The following STAG1 variants were observed in gnomAD, a reference collection of about 807,000 sequenced individuals.
STAG1 encodes cohesin subunit SA-1.
STAG1 carries 26 observed loss-of-function variants against 170.9 expected under a neutral mutation model. The ratio of observed to expected loss-of-function variants is 0.15; its 90% CI spans 0.11 to 0.21. The LOEUF is 0.21. STAG1 is among the 10% of genes least tolerant of loss of function. The probability of loss-of-function intolerance (pLI) is 1.00; values close to 1 mark genes in which losing one functional copy is unlikely to be tolerated. For missense variants in STAG1, 964 were observed against 1,509.5 expected, an observed-to-expected ratio of 0.64 and a Z score of 5.99; for synonymous variants, 514 against 497.7, an observed-to-expected ratio of 1.03 and a Z score of -0.44.
chr3:136,588,745 G>C, intron 4 of STAG1, among the ~76,000 whole-genome samples: 1 of 151,818 alleles, frequency 6.6e-6, no homozygotes, highest in East Asian at 1.9e-4. Context: ...CTGCTGCCCA[G>C]CCTATTTTCT....
At chr3:136,622,135 T>TAAAAAAAAAAAAAAAAA (rs75542452) in intron 3 of STAG1, among the ~76,000 whole-genome samples, 2 of 92,812 alleles carry the variant, frequency 2.2e-5, no homozygotes, top group Non-Finnish European at 4.0e-5. Context: ...CCATCTCTAC[T>TAAAAAAAAAAAAAAAAA]AAAAAAAAAA....
chr3:136,378,346 G>C (rs2108309044), intron 22 of STAG1, among the ~76,000 whole-genome samples: 1 of 152,322 alleles, frequency 6.6e-6, no homozygotes, highest in African/African-American at 2.4e-5. Flanking sequence ...TGGGTAAATA[G>C]ATTTAATTAG....
At chr3:136,649,379 T>C (rs971862754) in intron 1 of STAG1, among the ~76,000 whole-genome samples, 1 of 151,730 alleles carries the variant, frequency 6.6e-6, no homozygotes, top group African/African-American at 2.4e-5. Context: ...CTCTGGAGGC[T>C]GAGGCATGAG....
intron 2 of STAG1, among the ~76,000 whole-genome samples, chr3:136,627,948 T>G (rs1044075916): frequency 3.3e-5 from 5 of 152,202 alleles, no homozygotes; most frequent in African/African-American, 1.2e-4. Context: ...TCCCATCTAA[T>G]ACTATACTGC....
intron 9 of STAG1, 138 bp downstream of exon 9, chr3:136,500,085 A>T (rs1933387971): frequency 1.7e-6 from 1 of 601,254 alleles, no homozygotes; most frequent in Non-Finnish European, 3.0e-6. Context: ...TTGTAGTGTG[A>T]CACTGACAGC....
At chr3:136,506,476 CAAA>C (rs11414654) in intron 7 of STAG1, among the ~76,000 whole-genome samples, 1 of 85,340 alleles carries the variant, frequency 1.2e-5, no homozygotes. Context: ...ACTAAAAATA[CAAA>C]AAAAAAAAAA....
At chr3:136,739,507 AAAAAAAAAAAAAG>A (rs1456626471) in intron 1 of STAG1, among the ~76,000 whole-genome samples, 33 of 148,706 alleles carry the variant, frequency 2.2e-4, no homozygotes, top group Non-Finnish European at 3.4e-4. Context: ...CTCCGTCAAA[AAAAAAAAAAAAAG>A]AAAAAAAAAA....
chr3:136,513,143 G>A (rs1376417789), intron 7 of STAG1, among the ~76,000 whole-genome samples: 1 of 152,110 alleles, frequency 6.6e-6, no homozygotes, highest in African/African-American at 2.4e-5. Flanking sequence ...ATCACCTGAG[G>A]TCAGGAGTTC....
chr3:136,736,740 C>A (rs1243868167), intron 1 of STAG1: 2 of 1,601,946 alleles, frequency 1.2e-6, no homozygotes, highest in Non-Finnish European at 1.7e-6. Flanking sequence ...ATTTCCAGCT[C>A]AGCAAAGAGT....
chr3:136,467,242 G>C (rs190157083), intron 12 of STAG1, among the ~76,000 whole-genome samples: 99 of 152,242 alleles, frequency 6.5e-4, no homozygotes, highest in Non-Finnish European at 1.1e-3. Flanking sequence ...AGACCCATCA[G>C]TGTGCTGTAT....
At chr3:136,512,551 C>T (rs1180807108) in intron 7 of STAG1, among the ~76,000 whole-genome samples, 1 of 151,990 alleles carries the variant, frequency 6.6e-6, no homozygotes, top group Non-Finnish European at 1.5e-5. Flanking sequence ...ACCAAAAATC[C>T]AGAGTCATCA....
intron 4 of STAG1, among the ~76,000 whole-genome samples, chr3:136,598,729 T>C (rs1275463845): frequency 2.0e-5 from 3 of 152,036 alleles, no homozygotes; most frequent in African/African-American, 7.2e-5. Flanking sequence ...GCCCGGCCAA[T>C]ACAAACTTTT....
chr3:136,378,562 G>A (rs1282423798), intron 22 of STAG1, among the ~76,000 whole-genome samples: 3 of 152,162 alleles, frequency 2.0e-5, no homozygotes, highest in African/African-American at 7.2e-5. Flanking sequence ...GAGTTACTGG[G>A]GATGCTGAGG....
chr3:136,567,427 T>C (rs554020629), intron 5 of STAG1, among the ~76,000 whole-genome samples: 6 of 152,226 alleles, frequency 3.9e-5, no homozygotes, highest in African/African-American at 1.4e-4. Flanking sequence ...TCTTAAGGTC[T>C]TTTTGCATAA....
chr3:136,478,974 T>C (rs2089840166), intron 9 of STAG1, among the ~76,000 whole-genome samples: 1 of 151,668 alleles, frequency 6.6e-6, no homozygotes, highest in African/African-American at 2.4e-5. Context: ...ACTATGAGAA[T>C]AAAATCACTT....
At chr3:136,541,984 A>C in intron 6 of STAG1, 135 bp downstream of exon 6, 1 of 664,384 alleles carries the variant, frequency 1.5e-6, no homozygotes, top group Non-Finnish European at 2.6e-6. Flanking sequence ...TTAGTACCAC[A>C]GATTATCATA....
Position 136,338,008 on chromosome 3 carries a change from G to A in STAG1, c.*246C>T, listed in dbSNP as rs569044247. On this transcript the variant is annotated 3_prime_UTR_variant, in exon 34 of 34. Coordinates refer to ENST00000383202, the MANE Select transcript of STAG1 (RefSeq NM_005862.3). ...AGAAAAACACACACATCTGTATTGG[G>A]ATAAGTCCAATAGTAGGACACAAAT... 2.1e-6 allele frequency: 1 copy of A among 467,064 alleles called. No homozygotes were observed. Among genetic ancestry groups the A allele is most frequent in the South Asian group, 4.1e-5 (1 of 24,104 alleles). 28.9% of individuals were successfully genotyped at this position (467,064 alleles called of 1,614,324 possible).
chr3:136,731,201 C>G (rs1934018982), intron 1 of STAG1, among the ~76,000 whole-genome samples: 1 of 151,896 alleles, frequency 6.6e-6, no homozygotes. Flanking sequence ...CTCACTTCAA[C>G]AAACCACCTC....
At chr3:136,565,990 A>T (rs73228031) in intron 5 of STAG1, among the ~76,000 whole-genome samples, 3,900 of 152,330 alleles carry the variant, frequency 0.026, 78 homozygotes, top group Non-Finnish European at 0.041. Context: ...CCTCAGGGAC[A>T]GAAAGTAGAT....
Sources: gnomAD v4.1 joint callset for allele counts (sites outside exome capture counted in the v4.1 genomes callset) on GRCh38, gnomAD v4.1.1 for gene constraint, MANE v1.5 for transcripts, NCBI Gene and HGNC (gene_info 2026-07-23, HGNC 2026-07-21) for gene names.